Variants in DACH2 observed in about 807,000 individuals in gnomAD.
DACH2 encodes the protein dachshund family transcription factor 2, also known as dachshund homolog 2.
DACH2 carries 17 observed loss-of-function variants against 35.8 expected under a neutral mutation model. That is an observed-to-expected ratio of 0.48 (90% CI 0.33 to 0.71). The LOEUF (loss-of-function observed/expected upper bound fraction) is 0.71. DACH2 is among the 30% of genes least tolerant of loss of function. The pLI is 0.02. For synonymous variants in DACH2, 195 were observed against 177.3 expected, an observed-to-expected ratio of 1.10 and a Z score of -0.79; for missense variants, 469 against 472.7, an observed-to-expected ratio of 0.99 and a Z score of 0.07.
chrX:86,522,687 C>T (rs752644276), intron 3 of DACH2, among the ~76,000 whole-genome samples: 1 of 111,523 alleles, frequency 9.0e-6, no homozygotes, highest in Non-Finnish European at 1.9e-5. Context: ...ATTTGAACTA[C>T]TGATATTCCC....
At chrX:86,628,244 A>C (rs2040159839) in intron 3 of DACH2, among the ~76,000 whole-genome samples, 1 of 112,411 alleles carries the variant, frequency 8.9e-6, no homozygotes, top group Non-Finnish European at 1.9e-5. Flanking sequence ...TTTAACATAT[A>C]AAATTAATAA....
At chrX:86,174,356 G>A (rs1399436490) in intron 1 of DACH2, among the ~76,000 whole-genome samples, 1 of 109,970 alleles carries the variant, frequency 9.1e-6, no homozygotes, top group African/African-American at 3.3e-5. Context: ...TGAACTTCTG[G>A]CCTCAAGCGA....
chrX:86,157,931 A>G (rs1395879277), intron 1 of DACH2, among the ~76,000 whole-genome samples: 1 of 111,376 alleles, frequency 9.0e-6, no homozygotes, highest in Non-Finnish European at 1.9e-5. Flanking sequence ...ATAAGACTAT[A>G]CTATCTCTTA....
intron 3 of DACH2, among the ~76,000 whole-genome samples, chrX:86,562,555 T>A (rs757775802): frequency 9.0e-6 from 1 of 111,612 alleles, no homozygotes; most frequent in African/African-American, 3.2e-5. Context: ...GAGCTCCCTA[T>A]TTAATGCTGC....
At chrX:86,737,016 T>A (rs1175877188) in intron 6 of DACH2, among the ~76,000 whole-genome samples, 4 of 111,766 alleles carry the variant, frequency 3.6e-5, no homozygotes, top group African/African-American at 1.3e-4. Context: ...TATATTAAAT[T>A]CCTTTTATAT....
chrX:86,274,629 G>A (rs1192561969), intron 1 of DACH2, among the ~76,000 whole-genome samples: 1 of 106,645 alleles, frequency 9.4e-6, no homozygotes, highest in Non-Finnish European at 1.9e-5. Flanking sequence ...CGAGTAGCTG[G>A]GACTACAGGT....
chrX:86,485,793 T>C (rs1017341800), intron 2 of DACH2, among the ~76,000 whole-genome samples: 1 of 111,950 alleles, frequency 8.9e-6, no homozygotes, highest in African/African-American at 3.2e-5. Flanking sequence ...TTGTTTTCTC[T>C]TAATTTATTT....
intron 1 of DACH2, among the ~76,000 whole-genome samples, chrX:86,296,155 G>A (rs757705659): frequency 9.3e-5 from 10 of 107,202 alleles, no homozygotes; most frequent in African/African-American, 1.0e-4. Context: ...CGAGGCGGGC[G>A]GATCACGAGG....
chrX:86,585,614 A>G (rs1043890107), intron 3 of DACH2, among the ~76,000 whole-genome samples: 9 of 110,636 alleles, frequency 8.1e-5, no homozygotes, highest in African/African-American at 3.0e-4. Flanking sequence ...CTATGTGTCC[A>G]TGTATGCTCA....
intron 7 of DACH2, among the ~76,000 whole-genome samples, chrX:86,763,134 A>G (rs1368853615): frequency 8.9e-6 from 1 of 111,945 alleles, no homozygotes; most frequent in Non-Finnish European, 1.9e-5. Context: ...AAGCTAATGT[A>G]TTTCACCCCT....
intron 3 of DACH2, among the ~76,000 whole-genome samples, chrX:86,519,415 GAGTT>G (rs1177643107): frequency 1.8e-5 from 2 of 111,948 alleles, no homozygotes; most frequent in Non-Finnish European, 3.8e-5. Flanking sequence ...CTCATAGAAT[GAGTT>G]AGGGAGGAGT....
At chrX:86,512,207 G>A (rs2038406013) in intron 2 of DACH2, among the ~76,000 whole-genome samples, 1 of 110,817 alleles carries the variant, frequency 9.0e-6, no homozygotes, top group South Asian at 3.8e-4. Context: ...TATGAACTGA[G>A]ATGAAAGTTA....
rs1057370676 is a variant in DACH2 at position 86,454,074 on chromosome X, A to AT, written c.528-60199dup. 9.9e-5 allele frequency among the ~76,000 whole-genome samples: 11 copies of AT among 111,076 alleles called. 1 individual carries two copies. The highest frequency in any genetic ancestry group is 7.7e-4 in the Admixed American group (8 of 10,397). ...CTAGATATGAAATTCTGGGTTAGAAATTTTTTCTTTAAAAATTTGAATAGT... is the reference window on the plus strand; with the variant it reads ...CTAGATATGAAATTCTGGGTTAGAAATTTTTTTCTTTAAAAATTTGAATAGT... On this transcript the variant is annotated intron_variant, in intron 2 of 11. Transcript: ENST00000373125.
At chrX:86,707,412 G>T (rs761044979) in intron 5 of DACH2, among the ~76,000 whole-genome samples, 1 of 111,508 alleles carries the variant, frequency 9.0e-6, no homozygotes, top group African/African-American at 3.3e-5. Flanking sequence ...ATTTAAAGAA[G>T]AAAATATACC....
At chrX:86,479,385 C>T (rs1602566005) in intron 2 of DACH2, among the ~76,000 whole-genome samples, 1 of 110,794 alleles carries the variant, frequency 9.0e-6, no homozygotes, top group East Asian at 2.9e-4. Flanking sequence ...GGTACCCCAC[C>T]GTTTTCTACC....
At chrX:86,345,796 T>A (rs2035486257) in intron 1 of DACH2, among the ~76,000 whole-genome samples, 1 of 111,816 alleles carries the variant, frequency 8.9e-6, no homozygotes, top group Non-Finnish European at 1.9e-5. Context: ...TTTATTATTA[T>A]AGGGCATTTT....
intron 4 of DACH2, among the ~76,000 whole-genome samples, chrX:86,687,392 A>G (rs943093069): frequency 9.0e-6 from 1 of 111,659 alleles, no homozygotes; most frequent in Non-Finnish European, 1.9e-5. Flanking sequence ...TAAGGAAACA[A>G]CAGATGCTGG....
intron 3 of DACH2, among the ~76,000 whole-genome samples, chrX:86,530,524 T>C (rs1230760024): frequency 8.9e-6 from 1 of 111,764 alleles, no homozygotes; most frequent in African/African-American, 3.3e-5. Flanking sequence ...TCCTGCCATG[T>C]AAGATGTGCC....
At chrX:86,261,585 T>C (rs944227140) in intron 1 of DACH2, among the ~76,000 whole-genome samples, 6 of 111,720 alleles carry the variant, frequency 5.4e-5, no homozygotes, top group Non-Finnish European at 5.6e-5. Flanking sequence ...AAAAATGTAA[T>C]GGACTTAAAA....
Sources: allele counts gnomAD v4.1 joint callset (sites outside exome capture counted in the v4.1 genomes callset), GRCh38; gene constraint gnomAD v4.1.1; transcripts MANE v1.5; gene names NCBI Gene and HGNC (gene_info 2026-07-23, HGNC 2026-07-21).